The following RELL1 variants were observed in gnomAD, a reference collection of about 807,000 sequenced individuals.
RELL1 encodes RELT like 1.
Under a neutral mutation model 23.0 loss-of-function variants are expected in RELL1, and 10 were observed. The ratio of observed to expected loss-of-function variants is 0.43; its 90% CI spans 0.27 to 0.74. The LOEUF is 0.74. Ranked by LOEUF, RELL1 falls within the 30% of genes least tolerant of loss-of-function variation. RELL1 has a pLI of 0.19. For missense variants in RELL1, 315 were observed against 364.4 expected, an observed-to-expected ratio of 0.86 and a Z score of 1.10; for synonymous variants, 146 against 146.8, an observed-to-expected ratio of 0.99 and a Z score of 0.04.
chr4:37,667,033 A>T (rs1364964004), intron 1 of RELL1, among the ~76,000 whole-genome samples: 2 of 152,284 alleles, frequency 1.3e-5, no homozygotes, highest in East Asian at 3.9e-4. Context: ...GAAAGGGCAA[A>T]GTAAAGGAGG....
chr4:37,657,919 T>TCA (rs1406343874), intron 1 of RELL1, among the ~76,000 whole-genome samples: 2 of 151,822 alleles, frequency 1.3e-5, no homozygotes, highest in African/African-American at 4.8e-5. Context: ...CGAGACCCTG[T>TCA]CACACACACA....
intron 2 of RELL1, 122 bp downstream of exon 2, chr4:37,649,129 TACTGCACAATCTGCACTTACACTAC>T (rs1170183926): frequency 2.0e-5 from 14 of 714,406 alleles, no homozygotes; most frequent in Non-Finnish European, 3.4e-5. Context: ...TAGGTGTGAT[TACTGCACAATCTGCACTTACACTAC>T]ACTGCACCAC....
intron 6 of RELL1, among the ~76,000 whole-genome samples, chr4:37,626,476 A>C (rs1375743393): frequency 1.3e-5 from 2 of 152,160 alleles, no homozygotes; most frequent in Non-Finnish European, 2.9e-5. Context: ...ACTCTGTCTC[A>C]GAAAACAAAC....
chr4:37,654,427 T>C (rs1434526083), intron 1 of RELL1, among the ~76,000 whole-genome samples: 2 of 152,236 alleles, frequency 1.3e-5, no homozygotes, highest in African/African-American at 2.4e-5. Context: ...GGAGAATATA[T>C]TGTGATCTAC....
downstream of RELL1, chr4:37,590,650 G>T (rs543128145): frequency 1.2e-6 from 2 of 1,614,022 alleles, no homozygotes; most frequent in East Asian, 2.2e-5. Flanking sequence ...TGGAGACAAC[G>T]TTGATCATAA....
At chr4:37,679,494 C>T (rs1722134645) in intron 1 of RELL1, among the ~76,000 whole-genome samples, 1 of 152,058 alleles carries the variant, frequency 6.6e-6, no homozygotes, top group Non-Finnish European at 1.5e-5. Context: ...GACCATAATC[C>T]CTTATCTGAA....
chr4:37,605,208 A>G (rs972332242), intron 6 of RELL1, among the ~76,000 whole-genome samples: 4 of 152,142 alleles, frequency 2.6e-5, no homozygotes, highest in African/African-American at 9.7e-5. Flanking sequence ...ACAGATAGAT[A>G]CAAAAAATAC....
chr4:37,635,172 A>ACCTTC, intron 4 of RELL1, 49 bp from the exon 5 acceptor site: 4 of 1,423,026 alleles, frequency 2.8e-6, no homozygotes, highest in Non-Finnish European at 4.0e-6. Context: ...AGGAAATATC[A>ACCTTC]GCGAAGGTGA....
chr4:37,686,067 G>A (rs1407152286), intron 1 of RELL1, 133 bp downstream of exon 1: 5 of 763,700 alleles, frequency 6.5e-6, no homozygotes, highest in Non-Finnish European at 2.1e-6. Flanking sequence ...ACAGCCAGTT[G>A]TTCAGTGCCG....
intron 6 of RELL1, among the ~76,000 whole-genome samples, chr4:37,614,907 T>C (rs996833671): frequency 6.6e-6 from 1 of 152,136 alleles, no homozygotes; most frequent in Non-Finnish European, 1.5e-5. Context: ...CTAGAAACAC[T>C]CCTCATTTTG....
At chr4:37,634,046 C>G (rs2109262236) in intron 5 of RELL1, among the ~76,000 whole-genome samples, 1 of 152,366 alleles carries the variant, frequency 6.6e-6, no homozygotes. Context: ...TTTCCAAATG[C>G]AACATCGGCA....
intron 6 of RELL1, among the ~76,000 whole-genome samples, chr4:37,629,238 C>T (rs781251950): frequency 3.9e-5 from 6 of 152,360 alleles, no homozygotes; most frequent in Non-Finnish European, 7.3e-5. Context: ...GCTGGGCCTT[C>T]CTCACCTAAG....
intron 1 of RELL1, among the ~76,000 whole-genome samples, chr4:37,667,275 T>G (rs139670418): frequency 0.011 from 1,679 of 152,058 alleles, 34 homozygotes; most frequent in African/African-American, 0.038. Flanking sequence ...GTACAGTTAC[T>G]ATTTCAAGCA....
In RELL1 at chr4:37,612,322, T is replaced by TTAAAAAAAAAAAAAAAAAA. The variant is rs546339779; in HGVS notation, c.*1023_*1024insTTTTTTTTTTTTTTTTTTA. Among the ~76,000 whole-genome samples the TTAAAAAAAAAAAAAAAAAA allele has an allele frequency of 1.2e-5, 1 of 83,506 alleles. No individual in the cohort carries two copies. The highest frequency in any genetic ancestry group is 2.2e-5 in the Non-Finnish European group (1 of 44,706). 54.8% of individuals were successfully genotyped at this position (83,506 alleles called of 152,430 possible). A position where few individuals can be genotyped will look rare whatever the true frequency, so the allele number is the denominator to read the frequency against. On this transcript the variant is annotated 3_prime_UTR_variant, in exon 7 of 7. Transcript: ENST00000454158. ...AACCAAGAATCGCTCAGCTAAAGGTTAAAAAAAAAAAAAAAACAAAAAAAA... is the reference window on the plus strand; with the variant it reads ...AACCAAGAATCGCTCAGCTAAAGGTTTAAAAAAAAAAAAAAAAAAAAAAAAAAAAAAAAAACAAAAAAAA...
intron 6 of RELL1, among the ~76,000 whole-genome samples, chr4:37,621,782 A>C (rs1266339917): frequency 6.6e-6 from 1 of 152,170 alleles, no homozygotes; most frequent in African/African-American, 2.4e-5. Flanking sequence ...GCCCAGGGAG[A>C]TATGTGTTAG....
At chr4:37,685,696 A>C (rs1055820410) in intron 1 of RELL1, among the ~76,000 whole-genome samples, 2 of 152,200 alleles carry the variant, frequency 1.3e-5, no homozygotes, top group Non-Finnish European at 2.9e-5. Context: ...TCCATCAACC[A>C]CCCAAATAAA....
At chr4:37,658,162 G>T (rs1326479370) in intron 1 of RELL1, among the ~76,000 whole-genome samples, 6 of 152,104 alleles carry the variant, frequency 3.9e-5, no homozygotes, top group African/African-American at 1.4e-4. Flanking sequence ...GAAGGCAGGT[G>T]TCAGTGAAAA....
intron 1 of RELL1, among the ~76,000 whole-genome samples, chr4:37,670,549 A>G (rs1203251526): frequency 6.6e-6 from 1 of 151,836 alleles, no homozygotes; most frequent in African/African-American, 2.4e-5. Flanking sequence ...GAACAGCCTG[A>G]TAATTTTTTT....
chr4:37,612,721 T>C lies in RELL1; in HGVS notation c.*625A>G, dbSNP rs577997109. 3.0e-4 allele frequency among the ~76,000 whole-genome samples: 45 copies of C among 151,784 alleles called. No individual in the cohort carries two copies. The highest frequency in any genetic ancestry group is 9.4e-4 in the African/African-American group (39 of 41,336). ...GTGGCAGGAGTTAATGCTGAATTTG[T>C]GGTCAAGGAATCCAAAGTCTAGCAT... On this transcript the variant is annotated 3_prime_UTR_variant, in exon 7 of 7. Transcript: ENST00000454158.
Sources: gnomAD v4.1 joint callset for allele counts (sites outside exome capture counted in the v4.1 genomes callset) on GRCh38, gnomAD v4.1.1 for gene constraint, MANE v1.5 for transcripts, NCBI Gene and HGNC (gene_info 2026-07-23, HGNC 2026-07-21) for gene names.